The following CCDC187 variants were observed in gnomAD, a reference collection of about 807,000 sequenced individuals.
CCDC187 encodes coiled-coil domain containing 187, also known as coiled-coil domain-containing protein 187.
A neutral mutation model predicts 38.0 loss-of-function variants in CCDC187; 32 were observed. That is an observed-to-expected ratio of 0.84 (90% CI 0.64 to 1.13). The LOEUF is 1.13. Ranked by LOEUF, CCDC187 falls within the 50% of genes most tolerant of loss-of-function variation. CCDC187 has a pLI of 0.00. For synonymous variants in CCDC187, 333 were observed against 347.9 expected (o/e 0.96, Z 0.48); for missense variants, 707 against 786.8 (o/e 0.90, Z 1.21).
chr9:136,273,861 T>C (rs1418146377), intron 14 of CCDC187, among the ~76,000 whole-genome samples: 2 of 152,248 alleles, frequency 1.3e-5, no homozygotes, highest in Non-Finnish European at 2.9e-5. Context: ...GGGGCGACTG[T>C]GGCCGGCTGG....
Position 136,252,049 on chromosome 9 carries a change from TCCAGGCAACCATCCCGCACAGCCGGCCGC to T in CCDC187, c.*1516_*1544del, listed in dbSNP as rs1830548029. On this transcript the variant is annotated 3_prime_UTR_variant, in exon 26 of 26. Transcript: ENST00000638797. ...GCCCACCCAGTCCACCCTGGGAAGGTCCAGGCAACCATCCCGCACAGCCGGCCGCCCACCCCGTCCACCAGGGGAAGGTC... is the reference window on the plus strand; with the variant it reads ...GCCCACCCAGTCCACCCTGGGAAGGTCCACCCCGTCCACCAGGGGAAGGTC... 1.0e-5 allele frequency: 1 copy of T among 95,258 alleles called. No homozygotes were observed. Among genetic ancestry groups the T allele is most frequent in the Non-Finnish European group, 2.2e-5 (1 of 45,982 alleles). The allele number at this position is 95,258 out of a possible 1,614,324, so 5.9% of individuals were successfully genotyped here. A position where few individuals can be genotyped will look rare whatever the true frequency, so the allele number is the denominator to read the frequency against.
At position 136,254,255 on chromosome 9, in the gene CCDC187, T is replaced by C. The variant is rs1400784818; in HGVS notation, c.5573A>G (p.Asp1858Gly). 2 of 985,238 alleles carry C rather than the reference T, an allele frequency of 2.0e-6. No individual in the cohort carries two copies. The highest frequency in any genetic ancestry group is 2.4e-6 in the Non-Finnish European group (2 of 829,922). 61.0% of individuals were successfully genotyped at this position (985,238 alleles called of 1,614,324 possible). Residue 1858 changes from aspartate (D) to glycine (G), a missense_variant, in exon 26 of 26, where the codon GAC becomes GGC. Transcript: ENST00000638797. Reference sequence around the variant, plus strand: ...GGGTGCCTGGAGGGCTTCTCCTGTGTCTGACACCCCCATCAGGCTCTCGCT... The same window carrying C: ...GGGTGCCTGGAGGGCTTCTCCTGTGCCTGACACCCCCATCAGGCTCTCGCT... ...GTSESLMGVS[D>G]TGEALQAPPE...
chr9:136,266,347 C>T (rs1830744913), intron 16 of CCDC187: 1 of 152,286 alleles, frequency 6.6e-6, no homozygotes, highest in South Asian at 2.1e-4. Context: ...GCCAGTGGGT[C>T]CTCTGGGGAG....
At chr9:136,259,126 GC>G (rs1830650073) in intron 21 of CCDC187, 125 bp from the exon 22 acceptor site, 1 of 779,758 alleles carries the variant, frequency 1.3e-6, no homozygotes, top group Non-Finnish European at 1.6e-6. Context: ...ACAGCCGGGG[GC>G]GGACAGGGAC....
chr9:136,278,046 C>T (rs888224937), intron 10 of CCDC187, among the ~76,000 whole-genome samples: 2 of 152,142 alleles, frequency 1.3e-5, no homozygotes, highest in Admixed American at 6.5e-5. Context: ...ACTGAGCATT[C>T]GGGGTCACCC....
chr9:136,297,301 G>A (rs1239805733), intron 4 of CCDC187, among the ~76,000 whole-genome samples: 1 of 151,726 alleles, frequency 6.6e-6, no homozygotes, highest in Non-Finnish European at 1.5e-5. Flanking sequence ...GGTGTGAGCT[G>A]CGGGTGGTGT....
chr9:136,265,808 C>A, intron 17 of CCDC187, 148 bp downstream of exon 17: 1 of 228,478 alleles, frequency 4.4e-6, no homozygotes, highest in Non-Finnish European at 7.3e-6. Flanking sequence ...TTCTATACTT[C>A]GGGGTCCTGT....
Position 136,290,664 on chromosome 9 carries a change from C to T in CCDC187, c.1949G>A (p.Arg650Gln), listed in dbSNP as rs928714540. The change falls in exon 6 of 26, where the codon CGG (arginine) becomes CAG (glutamine). Residue 650 changes from arginine (R) to glutamine (Q), a missense_variant. By Grantham distance (43) the Arg-to-Gln change is conservative. Transcript: ENST00000638797. ...CTTCTCCTCCAGGGCCTGCCGCCGC[C>T]GGGCCTGCGCCTTCTGGCGCATGAA... Reference protein sequence around the residue: ...REFMRQKAQARRRQALEEKAS... With the variant: ...REFMRQKAQAQRRQALEEKAS... 20 of 398,496 alleles carry T rather than the reference C, an allele frequency of 5.0e-5. No individual in the cohort carries two copies. Among genetic ancestry groups the T allele is most frequent in the South Asian group, 3.8e-4 (3 of 7,858 alleles). The allele number at this position is 398,496 out of a possible 1,614,324, so 24.7% of individuals were successfully genotyped here. A position where few individuals can be genotyped will look rare whatever the true frequency, so the allele number is the denominator to read the frequency against.
intron 10 of CCDC187, among the ~76,000 whole-genome samples, chr9:136,277,750 G>A (rs1830961037): frequency 6.6e-6 from 1 of 152,182 alleles, no homozygotes; most frequent in Non-Finnish European, 1.5e-5. Context: ...CCACCAGGAG[G>A]TGCTGCATGC....
rs1554759558 is a variant in CCDC187, at chr9:136,252,155, CCGGCCGCCCACCCGG to C, written c.*1424_*1438del. 1.6e-5 allele frequency: 1 copy of C among 64,340 alleles called. No individual in the cohort carries two copies. Among genetic ancestry groups the C allele is most frequent in the Non-Finnish European group, 4.3e-5 (1 of 23,038 alleles). 4.0% of individuals were successfully genotyped at this position (64,340 alleles called of 1,614,324 possible). A position where few individuals can be genotyped will look rare whatever the true frequency, so the allele number is the denominator to read the frequency against. ...CCCACCCTGTCCACCAGGGGAAGAG[CCGGCCGCCCACCCGG>C]TCCACCCCGGGAAGAGCCGGCCGCC... On this transcript the variant is annotated 3_prime_UTR_variant, in exon 26 of 26. Transcript: ENST00000638797.
chr9:136,265,430 T>C (rs1243950851), intron 17 of CCDC187: 2 of 152,230 alleles, frequency 1.3e-5, no homozygotes, highest in Non-Finnish European at 2.9e-5. Flanking sequence ...CCCCCATGCA[T>C]GTGCACATCA....
intron 19 of CCDC187, among the ~76,000 whole-genome samples, chr9:136,261,645 C>G (rs1190125258): frequency 6.6e-6 from 1 of 152,234 alleles, no homozygotes; most frequent in African/African-American, 2.4e-5. Context: ...AGGCACGGAG[C>G]CAATGGCCGA....
At chr9:136,283,619 G>A (rs1341044315) in intron 9 of CCDC187, among the ~76,000 whole-genome samples, 4 of 152,238 alleles carry the variant, frequency 2.6e-5, no homozygotes, top group Non-Finnish European at 5.9e-5. Context: ...ACAGTCCAGT[G>A]CCCAGCCCTG....
At chr9:136,276,551 A>C (rs1830934412) in intron 11 of CCDC187, 100 bp downstream of exon 11, 1 of 151,946 alleles carries the variant, frequency 6.6e-6, no homozygotes, top group South Asian at 2.1e-4. Flanking sequence ...TATAGTCTGC[A>C]CATTAGTGCC....
chr9:136,259,309 G>GGGTACCAAGATGAAGATCAAGTCACAGAT (rs1830653516), intron 21 of CCDC187, 54 bp downstream of exon 21: 2 of 743,796 alleles, frequency 2.7e-6, no homozygotes, highest in African/African-American at 2.0e-5. Flanking sequence ...TTGGGGGGGG[G>GGGTACCAAGATGAAGATCAAGTCACAGAT]TGGTCCCTGA....
At position 136,267,381 on chromosome 9, in the gene CCDC187, C is replaced by A. The variant is rs1830765225; in HGVS notation, c.3647+3G>T. On this transcript the variant is annotated splice_donor_region_variant and intron_variant, in intron 16 of 25. Coordinates refer to ENST00000638797, the MANE Select transcript of CCDC187 (RefSeq NM_001378188.1). ...GGGGCCGGCGCCAGGCGCATGCGCTCACCCTCGTCGATGCTCCAGCCAGGC... is the reference window on the plus strand; with the variant it reads ...GGGGCCGGCGCCAGGCGCATGCGCTAACCCTCGTCGATGCTCCAGCCAGGC... 1.0e-6 allele frequency: 1 copy of A among 985,562 alleles called. No homozygotes were observed. Among genetic ancestry groups the A allele is most frequent in the Non-Finnish European group, 1.2e-6 (1 of 830,092 alleles). 61.1% of individuals were successfully genotyped at this position (985,562 alleles called of 1,614,324 possible).
At chr9:136,299,057 C>A (rs897400902) in intron 3 of CCDC187, among the ~76,000 whole-genome samples, 1 of 152,160 alleles carries the variant, frequency 6.6e-6, no homozygotes, top group Non-Finnish European at 1.5e-5. Flanking sequence ...CTGAACTTGA[C>A]CTGGGGCAGG....
rs797034805 is a variant in CCDC187, at chr9:136,258,773, T to C, written c.4366+159A>G. On this transcript the variant is annotated intron_variant, in intron 22 of 25. Coordinates refer to ENST00000638797, the MANE Select transcript of CCDC187 (RefSeq NM_001378188.1). This position sits in a 1 kb window ranked among gnomAD's most constrained non-coding sequence, Gnocchi z 4.3. Reference sequence around the variant, plus strand: ...ATGGAGCCGGCCACTCTTCTTGCAGTGAAGGGGTCTGAGGCCAGGGTGGGG... The same window carrying C: ...ATGGAGCCGGCCACTCTTCTTGCAGCGAAGGGGTCTGAGGCCAGGGTGGGG... 24 of 985,384 alleles carry C rather than the reference T, an allele frequency of 2.4e-5. No individual in the cohort carries two copies. The African/African-American group carries it at 3.3e-4, about 14-fold the overall frequency. The allele number at this position is 985,384 out of a possible 1,614,324, so 61.0% of individuals were successfully genotyped here.
rs1307072042 is a variant in CCDC187, at chr9:136,250,930, G to A, written c.*2664C>T. On this transcript the variant is annotated 3_prime_UTR_variant, in exon 26 of 26. Coordinates refer to ENST00000638797, the MANE Select transcript of CCDC187 (RefSeq NM_001378188.1). ...CCCAAAGAGGTTCTAAGGGGCCTGG[G>A]GTCTCTCACCAGAGCTATGGGGTAG... The A allele has an allele frequency of 2.2e-6, 1 of 451,510 alleles. No homozygotes were observed. The highest frequency in any genetic ancestry group is 2.0e-5 in the African/African-American group (1 of 50,000). 28.0% of individuals were successfully genotyped at this position (451,510 alleles called of 1,614,324 possible). A position where few individuals can be genotyped will look rare whatever the true frequency, so the allele number is the denominator to read the frequency against.
Sources: gnomAD v4.1 joint callset for allele counts (sites outside exome capture counted in the v4.1 genomes callset) on GRCh38, gnomAD v4.1.1 for gene constraint, Gnocchi (gnomAD v3.1) non-coding constraint, MANE v1.5 for transcripts, NCBI Gene and HGNC (gene_info 2026-07-23, HGNC 2026-07-21) for gene names.